The following PTPN13 variants were observed in gnomAD, a reference collection of about 807,000 sequenced individuals.
The protein encoded by PTPN13 is tyrosine-protein phosphatase non-receptor type 13.
In PTPN13, 191 loss-of-function variants were observed where a neutral mutation model predicts 284.0. The observed-to-expected ratio is 0.67, with a 90% CI of 0.60 to 0.76. PTPN13 has a LOEUF of 0.76. Among genes scored for constraint, PTPN13 ranks in the 30% least tolerant of loss-of-function variants. PTPN13 has a pLI of 0.00. For missense variants in PTPN13, 2,797 were observed against 2,939.9 expected (o/e 0.95, Z 1.12); for synonymous variants, 986 against 1,022.3 (o/e 0.96, Z 0.68).
chr4:86,656,668 G>A (rs923678797), intron 2 of PTPN13, among the ~76,000 whole-genome samples: 1 of 152,188 alleles, frequency 6.6e-6, no homozygotes, highest in African/African-American at 2.4e-5. Context: ...GCTACTCGGG[G>A]GTCAGGGACC....
intron 7 of PTPN13, among the ~76,000 whole-genome samples, chr4:86,704,292 T>G (rs1731485299): frequency 6.6e-6 from 1 of 152,206 alleles, no homozygotes; most frequent in African/African-American, 2.4e-5. Context: ...TAGCAAAGCT[T>G]GAGATTTTTT....
chr4:86,758,068 A>G (rs1044653544), intron 20 of PTPN13, among the ~76,000 whole-genome samples, 192 bp from the exon 21 acceptor site: 1 of 152,200 alleles, frequency 6.6e-6, no homozygotes, highest in African/African-American at 2.4e-5. Context: ...AATAAATGTA[A>G]TACGTAGTCA....
intron 1 of PTPN13, among the ~76,000 whole-genome samples, chr4:86,619,704 G>A (rs768243153): frequency 2.0e-5 from 3 of 151,896 alleles, no homozygotes; most frequent in Non-Finnish European, 4.4e-5. Flanking sequence ...GGTAATTTCT[G>A]CAGCTAAATT....
At chr4:86,766,283 TTAAA>T in intron 26 of PTPN13, 145 bp from the exon 27 acceptor site, 1 of 600,642 alleles carries the variant, frequency 1.7e-6, no homozygotes, top group South Asian at 2.1e-5. Flanking sequence ...GGGGAATAAA[TTAAA>T]TAACATATTA....
At chr4:86,641,465 G>A (rs1723776224) in intron 2 of PTPN13, among the ~76,000 whole-genome samples, 1 of 152,100 alleles carries the variant, frequency 6.6e-6, no homozygotes, top group Admixed American at 6.6e-5. Flanking sequence ...TTGAACAAAA[G>A]CCAAGAAAAT....
intron 3 of PTPN13, among the ~76,000 whole-genome samples, chr4:86,674,543 G>T (rs956603202): frequency 3.9e-5 from 6 of 152,134 alleles, no homozygotes; most frequent in Admixed American, 1.3e-4. Flanking sequence ...TCTGAAAAAA[G>T]ACTGACAAGA....
intron 2 of PTPN13, among the ~76,000 whole-genome samples, chr4:86,667,554 C>T (rs556174866): frequency 9.9e-5 from 15 of 152,106 alleles, no homozygotes; most frequent in Non-Finnish European, 2.1e-4. Flanking sequence ...GGGAACTATT[C>T]TGAACCATTT....
intron 5 of PTPN13, chr4:86,689,881 T>C: frequency 1.6e-6 from 1 of 614,500 alleles, no homozygotes; most frequent in Non-Finnish European, 2.9e-6. Flanking sequence ...TCTGCTCTTA[T>C]CCTTAGGGTT....
rs1565540765 is a variant in PTPN13 at position 86,772,914 on chromosome 4, C to T, written c.5305C>T (p.Pro1769Ser). The T allele has an allele frequency of 6.2e-7, 1 of 1,607,668 alleles. No individual in the cohort carries two copies. The highest frequency in any genetic ancestry group is 8.5e-7 in the Non-Finnish European group (1 of 1,177,314). Residue 1769 changes from proline (P) to serine (S), a missense_variant, in exon 32 of 48, where the codon CCT becomes TCT. Transcript: ENST00000411767. ...SEPTRQENWT[P>S]LKNDLENHLE... The stretch of plus-strand genomic sequence containing the variant: ...ACCAACTAGACAAGAAAACTGGACA[C>T]CTTTGAAAAATGACTTGGAAAATCA...
At chr4:86,670,276 A>T (rs749017057) in intron 2 of PTPN13, among the ~76,000 whole-genome samples, 3 of 143,082 alleles carry the variant, frequency 2.1e-5, no homozygotes, top group Non-Finnish European at 4.5e-5. Flanking sequence ...TCTTTATCCC[A>T]CATTTCAGAT....
intron 10 of PTPN13, among the ~76,000 whole-genome samples, chr4:86,723,626 A>G (rs1434404144): frequency 6.6e-6 from 1 of 152,222 alleles, no homozygotes; most frequent in East Asian, 1.9e-4. Context: ...CGTTTAAGAC[A>G]TTTGATACGT....
chr4:86,672,642 G>T, intron 3 of PTPN13, 99 bp downstream of exon 3: 2 of 955,014 alleles, frequency 2.1e-6, no homozygotes, highest in South Asian at 4.2e-5. Context: ...AAAATCTATT[G>T]AGTTTTAAAT....
At chr4:86,653,821 A>G (rs1725398500) in intron 2 of PTPN13, among the ~76,000 whole-genome samples, 1 of 152,204 alleles carries the variant, frequency 6.6e-6, no homozygotes, top group Admixed American at 6.5e-5. Context: ...TTTCTAGAAA[A>G]TTGAAAAGTA....
At chr4:86,610,792 A>T (rs1765194647) in intron 1 of PTPN13, among the ~76,000 whole-genome samples, 1 of 152,232 alleles carries the variant, frequency 6.6e-6, no homozygotes, top group Non-Finnish European at 1.5e-5. Flanking sequence ...TATGGAGTTT[A>T]TGCCCTAGAT....
At chr4:86,731,089 A>G (rs1195852022) in intron 10 of PTPN13, among the ~76,000 whole-genome samples, 1 of 152,204 alleles carries the variant, frequency 6.6e-6, no homozygotes, top group Admixed American at 6.5e-5. Context: ...TAGAATTCCT[A>G]CACCAAGCAA....
intron 2 of PTPN13, among the ~76,000 whole-genome samples, chr4:86,643,864 A>G (rs1724099973): frequency 6.6e-6 from 1 of 152,184 alleles, no homozygotes; most frequent in South Asian, 2.1e-4. Flanking sequence ...ATTTAGAGCT[A>G]TAAAATCACT....
chr4:86,758,867 A>G lies in PTPN13; in HGVS notation c.3422-75A>G, dbSNP rs1578593091. On this transcript the variant is annotated intron_variant, in intron 22 of 47. Transcript: ENST00000411767. ...CTTAGGCCAAACTAAAATAATTGAG[A>G]AAGAGATGATATTTCTAAGATTCAG... 1.8e-5 allele frequency: 28 copies of G among 1,584,042 alleles called. No homozygotes were observed. In the East Asian group the frequency reaches 6.3e-4, roughly 35 times the overall value.
intron 47 of PTPN13, among the ~76,000 whole-genome samples, chr4:86,812,378 G>T (rs1745326519): frequency 7.0e-6 from 1 of 143,610 alleles, no homozygotes. Context: ...ATAAAACAAA[G>T]ATCCTTGCTA....
intron 2 of PTPN13, among the ~76,000 whole-genome samples, chr4:86,637,398 A>C (rs1723152619): frequency 6.6e-6 from 1 of 152,048 alleles, no homozygotes; most frequent in South Asian, 2.1e-4. Context: ...TTAGACCAAT[A>C]TCCTTGATGA....
Sources: allele counts gnomAD v4.1 joint callset (sites outside exome capture counted in the v4.1 genomes callset), GRCh38; gene constraint gnomAD v4.1.1; transcripts MANE v1.5; gene names NCBI Gene and HGNC (gene_info 2026-07-23, HGNC 2026-07-21).